PLD1: variants seen among roughly 807,000 people sequenced by gnomAD.
PLD1 encodes phospholipase D1.
A neutral mutation model predicts 137.1 loss-of-function variants in PLD1; 112 were observed. The observed-to-expected ratio is 0.82, with a 90% CI of 0.70 to 0.96. The LOEUF (loss-of-function observed/expected upper bound fraction) is 0.96, where lower values mean the gene tolerates loss of function less well. PLD1 is among the 40% of genes least tolerant of loss of function. The pLI is 0.00. For synonymous variants in PLD1, 431 were observed against 454.7 expected (o/e 0.95, Z 0.66); for missense variants, 1,321 against 1,342.0 (o/e 0.98, Z 0.24).
chr3:171,661,901 C>CA (rs1259006405), intron 20 of PLD1, among the ~76,000 whole-genome samples, 159 bp downstream of exon 20: 1 of 152,136 alleles, frequency 6.6e-6, no homozygotes, highest in Non-Finnish European at 1.5e-5. Context: ...CTTGGGAGGT[C>CA]AAAATTCAGG....
intron 19 of PLD1, among the ~76,000 whole-genome samples, chr3:171,672,003 C>T (rs1260870463): frequency 2.1e-5 from 3 of 145,742 alleles, no homozygotes; most frequent in Non-Finnish European, 4.5e-5. Context: ...CCCGCCCTGG[C>T]CTTATGCTGT....
chr3:171,649,819 G>A (rs1170002272), intron 21 of PLD1, among the ~76,000 whole-genome samples: 1 of 147,996 alleles, frequency 6.8e-6, no homozygotes, highest in Non-Finnish European at 1.5e-5. Flanking sequence ...CTAAAAATTG[G>A]AAATAAATGT....
intron 16 of PLD1, among the ~76,000 whole-genome samples, chr3:171,684,133 C>T (rs1382033526): frequency 1.3e-5 from 2 of 152,144 alleles, no homozygotes; most frequent in African/African-American, 4.8e-5. Context: ...TCTCAGATCA[C>T]CACTGTGGAT....
intron 15 of PLD1, 21 bp downstream of exon 15, chr3:171,687,350 C>G (rs974415798): frequency 9.4e-6 from 15 of 1,595,962 alleles, no homozygotes; most frequent in Non-Finnish European, 1.3e-5. Flanking sequence ...AAGATAAATT[C>G]TAGTCAAGGC....
At chr3:171,768,446 G>A (rs1467536164) in intron 1 of PLD1, among the ~76,000 whole-genome samples, 1 of 152,186 alleles carries the variant, frequency 6.6e-6, no homozygotes, top group African/African-American at 2.4e-5. Flanking sequence ...TGAAAAGCCT[G>A]CACCTCCCAA....
rs148304489 is a variant in PLD1 at position 171,712,482 on chromosome 3, A to G, written c.911+1411T>C. On this transcript the variant is annotated intron_variant, in intron 9 of 26. Transcript: ENST00000351298. Reference sequence around the variant, plus strand: ...AGTATCAAGGGGGAAAACAAGAACTATTCCAAACATGGACATAAGAAAAGC... The same window carrying G: ...AGTATCAAGGGGGAAAACAAGAACTGTTCCAAACATGGACATAAGAAAAGC... Among the ~76,000 whole-genome samples the G allele has an allele frequency of 2.5e-3, 376 of 152,362 alleles. 1 individual carries two copies. Among genetic ancestry groups the G allele is most frequent in the African/African-American group, 8.6e-3 (358 of 41,590 alleles).
chr3:171,749,892 G>C lies in PLD1; in HGVS notation c.-31-11810C>G, dbSNP rs569541906. ...AGCTAGTACTAAAATGACTTTAACA[G>C]ATATTTCTGCTACTGCCCACCACAG... On this transcript the variant is annotated intron_variant, in intron 1 of 26. Transcript: ENST00000351298. 2.6e-4 allele frequency among the ~76,000 whole-genome samples: 40 copies of C among 152,306 alleles called. No individual in the cohort carries two copies. In the South Asian group the frequency reaches 7.5e-3, roughly 28 times the overall value.
chr3:171,802,048 C>A (rs1362947169), intron 1 of PLD1, among the ~76,000 whole-genome samples: 2 of 152,186 alleles, frequency 1.3e-5, no homozygotes, highest in African/African-American at 4.8e-5. Context: ...AGCAATGAAT[C>A]ATTGTCATAA....
intron 23 of PLD1, among the ~76,000 whole-genome samples, chr3:171,629,207 A>C (rs1734429489): frequency 2.0e-5 from 3 of 152,122 alleles, no homozygotes; most frequent in Non-Finnish European, 1.5e-5. Context: ...AAGCATTCTT[A>C]TACACCAATA....
In PLD1 at chr3:171,603,124, G is replaced by T. The variant is rs376459861; in HGVS notation, c.3179C>A (p.Ser1060Tyr). 1 of 1,614,052 alleles carries T rather than the reference G, an allele frequency of 6.2e-7. No homozygotes were observed. Among genetic ancestry groups the T allele is most frequent in the Middle Eastern group, 1.7e-4 (1 of 6,060 alleles). The change falls in exon 27 of 27, where the codon TCT becomes TAT. Residue 1060 changes from serine to tyrosine, a missense_variant. Coordinates refer to ENST00000351298, the MANE Select transcript of PLD1 (RefSeq NM_002662.5). Reference sequence around the variant, plus strand: ...CACTATGGCCTCTTTGGTCCCAACAGAAGGCAGTAGGCTTTCTTCAGACAA... The same window carrying T: ...CACTATGGCCTCTTTGGTCCCAACATAAGGCAGTAGGCTTTCTTCAGACAA... Reference protein sequence around the residue: ...YFLSEESLLPSVGTKEAIVPM... With the variant: ...YFLSEESLLPYVGTKEAIVPM...
intron 19 of PLD1, among the ~76,000 whole-genome samples, chr3:171,670,435 G>C (rs903735717): frequency 1.8e-4 from 28 of 152,168 alleles, no homozygotes; most frequent in Admixed American, 1.3e-3. Context: ...CTAAAGCTAA[G>C]CAAGGGCCTG....
intron 1 of PLD1, among the ~76,000 whole-genome samples, chr3:171,771,798 T>C (rs910022701): frequency 1.1e-4 from 16 of 152,232 alleles, no homozygotes; most frequent in African/African-American, 3.9e-4. Context: ...TATTTTCAGA[T>C]AACATTGAAT....
At chr3:171,643,792 A>T (rs1735973990) in intron 22 of PLD1, among the ~76,000 whole-genome samples, 1 of 152,156 alleles carries the variant, frequency 6.6e-6, no homozygotes, top group African/African-American at 2.4e-5. Context: ...GCAAATCTTC[A>T]GTCCAAGTAT....
chr3:171,806,372 G>C (rs1723849344), intron 1 of PLD1, among the ~76,000 whole-genome samples: 1 of 152,204 alleles, frequency 6.6e-6, no homozygotes, highest in African/African-American at 2.4e-5. Context: ...TAACACACTG[G>C]AATGTGTTCC....
intron 1 of PLD1, among the ~76,000 whole-genome samples, chr3:171,741,150 C>T (rs143621698): frequency 3.8e-4 from 58 of 152,328 alleles, no homozygotes; most frequent in African/African-American, 1.3e-3. Flanking sequence ...TCCTGAGTTT[C>T]TTCTTAGCCT....
At chr3:171,793,412 C>A (rs1258599320) in intron 1 of PLD1, 3 of 152,140 alleles carry the variant, frequency 2.0e-5, no homozygotes, top group Non-Finnish European at 2.9e-5. Context: ...CCATTTATCA[C>A]TTCTTTATTA....
intron 21 of PLD1, among the ~76,000 whole-genome samples, chr3:171,652,766 ATTTTTTTTTT>A (rs1174564536): frequency 1.9e-3 from 144 of 75,628 alleles, no homozygotes; most frequent in African/African-American, 5.5e-3. Context: ...ACACTCAGCT[ATTTTTTTTTT>A]TTTTTTTTTT....
At chr3:171,774,330 T>C (rs752135866) in intron 1 of PLD1, among the ~76,000 whole-genome samples, 17 of 151,858 alleles carry the variant, frequency 1.1e-4, no homozygotes, top group Non-Finnish European at 1.8e-4. Flanking sequence ...GGAGGTGACA[T>C]GGAAGGGAAA....
At chr3:171,642,718 C>T (rs1436402698) in intron 23 of PLD1, 122 bp downstream of exon 23, 4 of 624,782 alleles carry the variant, frequency 6.4e-6, no homozygotes, top group African/African-American at 5.7e-5. Context: ...TACAGGTGAA[C>T]ATTTTGTGGG....
Sources: allele counts gnomAD v4.1 joint callset (sites outside exome capture counted in the v4.1 genomes callset), GRCh38; gene constraint gnomAD v4.1.1; transcripts MANE v1.5; gene names NCBI Gene and HGNC (gene_info 2026-07-23, HGNC 2026-07-21).